Variants in PRAG1 observed in about 807,000 individuals in gnomAD.
The protein encoded by PRAG1 is inactive tyrosine-protein kinase PRAG1.
In PRAG1, 110 loss-of-function variants were observed where a neutral mutation model predicts 95.6. The ratio of observed to expected loss-of-function variants is 1.15; its 90% CI spans 0.99 to 1.35. PRAG1 has a LOEUF of 1.35. PRAG1 is among the 40% of genes most tolerant of loss of function. PRAG1 has a pLI of 0.00. For missense variants in PRAG1, 2,554 were observed against 1,864.7 expected (o/e 1.37, Z -6.81); for synonymous variants, 1,052 against 819.4 (o/e 1.28, Z -4.85).
At chr8:8,366,336 G>C (rs1299883691) in intron 3 of PRAG1, among the ~76,000 whole-genome samples, 1 of 142,802 alleles carries the variant, frequency 7.0e-6, no homozygotes, top group Non-Finnish European at 1.5e-5. Flanking sequence ...TTTTTGAGAC[G>C]GAGTTTCACT....
At chr8:8,344,969 C>T (rs1799284511) in intron 3 of PRAG1, among the ~76,000 whole-genome samples, 1 of 152,008 alleles carries the variant, frequency 6.6e-6, no homozygotes, top group African/African-American at 2.4e-5. Flanking sequence ...GCAGAAGTCA[C>T]TGTTGTCAAA....
chr8:8,370,429 A>C (rs1177611897), intron 3 of PRAG1, among the ~76,000 whole-genome samples: 1 of 152,206 alleles, frequency 6.6e-6, no homozygotes, highest in African/African-American at 2.4e-5. Flanking sequence ...CTACTTATTT[A>C]AGTTTTGTCA....
intron 2 of PRAG1, among the ~76,000 whole-genome samples, chr8:8,379,876 T>C (rs1273594175): frequency 6.6e-6 from 1 of 152,150 alleles, no homozygotes; most frequent in African/African-American, 2.4e-5. Context: ...GCTGGTAAAA[T>C]CCAAGCTTCA....
Position 8,376,239 on chromosome 8 carries a change from G to A in PRAG1, c.2162+8C>T. 6.2e-7 allele frequency: 1 copy of A among 1,609,750 alleles called. No homozygotes were observed. Among genetic ancestry groups the A allele is most frequent in the South Asian group, 1.1e-5 (1 of 90,368 alleles). ...CAGACAGAGTCCCAGGCAGACAATG[G>A]TACTCACCGCGACTTTGGAGGCGGA... On this transcript the variant is annotated splice_region_variant and intron_variant, in intron 3 of 5. Coordinates refer to ENST00000615670, the MANE Select transcript of PRAG1 (RefSeq NM_001080826.3).
intron 3 of PRAG1, among the ~76,000 whole-genome samples, chr8:8,350,721 T>A (rs552702483): frequency 6.6e-6 from 1 of 152,366 alleles, no homozygotes; most frequent in Non-Finnish European, 1.5e-5. Context: ...CCTGACTCAA[T>A]GCTTACTGGC....
intron 3 of PRAG1, among the ~76,000 whole-genome samples, chr8:8,350,295 A>C (rs1430739502): frequency 6.6e-6 from 1 of 152,154 alleles, no homozygotes; most frequent in Non-Finnish European, 1.5e-5. Context: ...GGAGCTGCTG[A>C]TGAGCAGGTA....
intron 3 of PRAG1, among the ~76,000 whole-genome samples, chr8:8,356,445 A>G (rs1585253397): frequency 6.6e-6 from 1 of 152,204 alleles, no homozygotes; most frequent in Non-Finnish European, 1.5e-5. Context: ...TCTTGGGTTC[A>G]AGTGATCCTC....
chr8:8,359,070 T>C (rs920454068), intron 3 of PRAG1, among the ~76,000 whole-genome samples: 5 of 152,238 alleles, frequency 3.3e-5, no homozygotes, highest in African/African-American at 7.2e-5. Context: ...TGAAGAGTTA[T>C]TGTTAAAAGC....
At position 8,318,822 on chromosome 8, in the gene PRAG1, C is replaced by A. The variant is rs1375236520; in HGVS notation, c.3553G>T (p.Ala1185Ser). 15 of 1,271,428 alleles carry A rather than the reference C, an allele frequency of 1.2e-5. No individual in the cohort carries two copies. The highest frequency in any genetic ancestry group is 1.5e-5 in the Non-Finnish European group (15 of 1,000,510). The allele number at this position is 1,271,428 out of a possible 1,614,324, so 78.8% of individuals were successfully genotyped here. Residue 1185 changes from alanine to serine, a missense_variant, in exon 6 of 6, where the codon GCC (alanine) becomes TCC (serine). Coordinates refer to ENST00000615670, the MANE Select transcript of PRAG1 (RefSeq NM_001080826.3). This position sits in a 1 kb window ranked among gnomAD's most constrained non-coding sequence, Gnocchi z 4.2. ...AAAAPPCSSA[A>S]PPAGGTLSPA... ...CTGAGAGTGCCACCAGCAGGCGGGGCGGCAGAGGAGCAGGGAGGCGCGGCG... is the reference window on the plus strand; with the variant it reads ...CTGAGAGTGCCACCAGCAGGCGGGGAGGCAGAGGAGCAGGGAGGCGCGGCG...
chr8:8,376,760 T>C lies in PRAG1; in HGVS notation c.1649A>G (p.Lys550Arg), dbSNP rs753054176. ...ERPAIPPKLS[K>R]SSPVGSPVSP... is the part of the protein sequence containing the mutation. ...CACCGGGGACCCTACAGGGCTACTC[T>C]TGGACAACTTGGGGGGAATGGCGGG... Residue 550 changes from lysine to arginine, a missense_variant, in exon 3 of 6, where the codon AAG becomes AGG. Physicochemically the swap from Lys to Arg is conservative, Grantham distance 26. Transcript: ENST00000615670. 4.5e-5 allele frequency: 72 copies of C among 1,610,250 alleles called. No individual in the cohort carries two copies. The highest frequency in any genetic ancestry group is 6.1e-5 in the Non-Finnish European group (72 of 1,179,968).
intron 3 of PRAG1, among the ~76,000 whole-genome samples, chr8:8,356,379 T>C (rs575342545): frequency 1.3e-5 from 2 of 152,318 alleles, no homozygotes; most frequent in South Asian, 4.1e-4. Flanking sequence ...AGGGTCTCAC[T>C]CTGTCACCTA....
chr8:8,385,426 C>A (rs1235919124), intron 1 of PRAG1, among the ~76,000 whole-genome samples: 3 of 152,178 alleles, frequency 2.0e-5, no homozygotes, highest in Admixed American at 6.5e-5. Flanking sequence ...ACAGTCGAAA[C>A]CAACCAGACC....
intron 3 of PRAG1, among the ~76,000 whole-genome samples, chr8:8,371,186 T>A (rs1254198855): frequency 6.7e-6 from 1 of 150,360 alleles, no homozygotes; most frequent in Non-Finnish European, 1.5e-5. Context: ...ATTTAACCTC[T>A]GCTCCCCAGC....
chr8:8,353,426 T>C (rs969428662), intron 3 of PRAG1, among the ~76,000 whole-genome samples: 1 of 151,996 alleles, frequency 6.6e-6, no homozygotes, highest in Non-Finnish European at 1.5e-5. Context: ...AACAGATATG[T>C]AATAATGAAA....
At chr8:8,366,680 T>C (rs770557821) in intron 3 of PRAG1, among the ~76,000 whole-genome samples, 1 of 134,486 alleles carries the variant, frequency 7.4e-6, no homozygotes, top group African/African-American at 2.6e-5. Context: ...TTGCACTTTA[T>C]TTTTATCTTT....
intron 3 of PRAG1, chr8:8,374,606 C>A (rs1307631374): frequency 2.1e-6 from 2 of 955,698 alleles, no homozygotes; most frequent in Admixed American, 6.2e-5. Flanking sequence ...TCTTTTAAAT[C>A]CATCCCTGGC....
At chr8:8,383,092 A>G (rs1187279226) in intron 1 of PRAG1, among the ~76,000 whole-genome samples, 2 of 152,156 alleles carry the variant, frequency 1.3e-5, no homozygotes, top group Non-Finnish European at 1.5e-5. Flanking sequence ...TCCCATAAGG[A>G]TCTGCCTTAA....
intron 3 of PRAG1, among the ~76,000 whole-genome samples, chr8:8,344,891 A>G (rs1799282539): frequency 6.6e-6 from 1 of 152,204 alleles, no homozygotes; most frequent in Non-Finnish European, 1.5e-5. Context: ...GGCTGGAAAC[A>G]GTTGCATCAT....
chr8:8,355,018 T>C (rs1041185679), intron 3 of PRAG1, among the ~76,000 whole-genome samples: 14 of 152,052 alleles, frequency 9.2e-5, no homozygotes, highest in African/African-American at 3.4e-4. Context: ...ATCTTGTATG[T>C]GGAAAATCCC....
Sources: gnomAD v4.1 joint callset for allele counts (sites outside exome capture counted in the v4.1 genomes callset) on GRCh38, gnomAD v4.1.1 for gene constraint, Gnocchi (gnomAD v3.1) non-coding constraint, MANE v1.5 for transcripts, NCBI Gene and HGNC (gene_info 2026-07-23, HGNC 2026-07-21) for gene names.